The following TMEM131 variants were observed in gnomAD, a reference collection of about 807,000 sequenced individuals.
The protein encoded by TMEM131 is 2610524E03Rik.
TMEM131 carries 66 observed loss-of-function variants against 211.6 expected under a neutral mutation model. The ratio of observed to expected loss-of-function variants is 0.31; its 90% CI spans 0.26 to 0.38. The LOEUF is 0.38. Ranked by LOEUF, TMEM131 falls within the 10% of genes least tolerant of loss-of-function variation. The pLI, the probability that TMEM131 is intolerant of heterozygous loss-of-function variation, is 1.00. For missense variants in TMEM131, 2,036 were observed against 2,299.3 expected (o/e 0.89, Z 2.34); for synonymous variants, 844 against 841.3 (o/e 1.00, Z -0.06).
At chr2:97,821,946 C>T (rs1034346988) in intron 11 of TMEM131, among the ~76,000 whole-genome samples, 8 of 152,124 alleles carry the variant, frequency 5.3e-5, no homozygotes, top group Non-Finnish European at 8.8e-5. Flanking sequence ...CATTCAGCTC[C>T]GGGATCCCGA....
intron 1 of TMEM131, among the ~76,000 whole-genome samples, chr2:97,980,618 G>C (rs891849033): frequency 6.6e-6 from 1 of 152,116 alleles, no homozygotes; most frequent in African/African-American, 2.4e-5. Flanking sequence ...ACTTACACAT[G>C]AATGTTCAAA....
chr2:97,952,030 G>A (rs532981432), intron 1 of TMEM131, among the ~76,000 whole-genome samples: 6 of 152,112 alleles, frequency 3.9e-5, no homozygotes, highest in African/African-American at 1.2e-4. Flanking sequence ...GGTGGCGCAC[G>A]CCTGTAATCC....
intron 30 of TMEM131, 65 bp from the exon 31 acceptor site, chr2:97,793,049 C>A: frequency 1.7e-6 from 2 of 1,190,742 alleles, no homozygotes; most frequent in Non-Finnish European, 2.3e-6. Flanking sequence ...TAAAAAAAAA[C>A]TTCAACTTCA....
chr2:97,767,717 C>T (rs559025287), intron 33 of TMEM131, among the ~76,000 whole-genome samples: 25 of 152,268 alleles, frequency 1.6e-4, no homozygotes, highest in African/African-American at 5.5e-4. Context: ...GATGCATCGC[C>T]GGCATTTTCC....
chr2:97,877,951 T>C (rs533237140), intron 4 of TMEM131, among the ~76,000 whole-genome samples: 6 of 152,308 alleles, frequency 3.9e-5, no homozygotes, highest in South Asian at 2.1e-4. Context: ...TTTTGCAATC[T>C]ATCCATCTGA....
At chr2:97,846,092 A>G (rs1683415619) in intron 5 of TMEM131, among the ~76,000 whole-genome samples, 1 of 152,264 alleles carries the variant, frequency 6.6e-6, no homozygotes, top group African/African-American at 2.4e-5. Context: ...TCCCACAAAG[A>G]AAAGCCCGAG....
At chr2:97,900,258 A>G (rs1675796103) in intron 3 of TMEM131, among the ~76,000 whole-genome samples, 1 of 152,174 alleles carries the variant, frequency 6.6e-6, no homozygotes, top group African/African-American at 2.4e-5. Context: ...TGGCACCATC[A>G]TAAAGTCCAA....
intron 19 of TMEM131, 137 bp downstream of exon 19, chr2:97,809,551 A>G (rs1573393250): frequency 3.1e-6 from 2 of 647,978 alleles, no homozygotes. Context: ...TACATCTTCT[A>G]AAGAACCTGG....
At chr2:97,832,621 T>C (rs918765347) in intron 11 of TMEM131, among the ~76,000 whole-genome samples, 4 of 152,202 alleles carry the variant, frequency 2.6e-5, no homozygotes, top group African/African-American at 9.7e-5. Flanking sequence ...TATATTTCAT[T>C]TTGTCAGTTC....
intron 19 of TMEM131, among the ~76,000 whole-genome samples, chr2:97,808,473 C>G (rs1431046998): frequency 6.6e-6 from 1 of 152,192 alleles, no homozygotes; most frequent in Non-Finnish European, 1.5e-5. Flanking sequence ...TCTTTGTTCT[C>G]CAGGCTCAAA....
chr2:97,773,380 C>T (rs982530519), intron 32 of TMEM131, among the ~76,000 whole-genome samples: 1 of 152,156 alleles, frequency 6.6e-6, no homozygotes, highest in Non-Finnish European at 1.5e-5. Flanking sequence ...ACACGACAGA[C>T]GCCAGCATGG....
At chr2:97,791,341 T>C (rs1056350561) in intron 31 of TMEM131, among the ~76,000 whole-genome samples, 7 of 152,178 alleles carry the variant, frequency 4.6e-5, no homozygotes, top group African/African-American at 7.2e-5. Flanking sequence ...TACTACAACA[T>C]TGATGGGATG....
At chr2:97,901,889 C>T (rs536700109) in intron 3 of TMEM131, among the ~76,000 whole-genome samples, 1 of 152,184 alleles carries the variant, frequency 6.6e-6, no homozygotes, top group South Asian at 2.1e-4. Flanking sequence ...AACAGCAGGG[C>T]AGAGTGACTA....
At chr2:97,894,510 T>C (rs889145574) in intron 3 of TMEM131, among the ~76,000 whole-genome samples, 3 of 152,236 alleles carry the variant, frequency 2.0e-5, no homozygotes, top group Non-Finnish European at 4.4e-5. Context: ...TTCCTATCCA[T>C]AAGCATGGAA....
At chr2:97,955,867 A>G in intron 1 of TMEM131, among the ~76,000 whole-genome samples, 1 of 152,290 alleles carries the variant, frequency 6.6e-6, no homozygotes, top group East Asian at 1.9e-4. Context: ...AAATGAACAT[A>G]TATAATAGAG....
At chr2:97,921,212 T>C (rs1268054603) in intron 2 of TMEM131, among the ~76,000 whole-genome samples, 1 of 152,138 alleles carries the variant, frequency 6.6e-6, no homozygotes, top group East Asian at 1.9e-4. Context: ...CTCACACATA[T>C]ATGGACACTT....
Position 97,759,069 on chromosome 2 carries a change from C to T in TMEM131, c.5207-16G>A. On this transcript the variant is annotated splice_polypyrimidine_tract_variant and intron_variant, in intron 39 of 40. Coordinates refer to ENST00000186436, the MANE Select transcript of TMEM131 (RefSeq NM_015348.2). ...CTGAAAACTTCTGGAAATAAAGCAACAGTCATCAAGTCCATATTTGGTTTT... is the reference window on the plus strand; with the variant it reads ...CTGAAAACTTCTGGAAATAAAGCAATAGTCATCAAGTCCATATTTGGTTTT... 2 of 1,614,010 alleles carry T rather than the reference C, an allele frequency of 1.2e-6. No individual in the cohort carries two copies. The highest frequency in any genetic ancestry group is 1.7e-6 in the Non-Finnish European group (2 of 1,179,866).
intron 4 of TMEM131, among the ~76,000 whole-genome samples, chr2:97,860,992 G>T (rs762637463): frequency 6.6e-6 from 1 of 152,150 alleles, no homozygotes; most frequent in Non-Finnish European, 1.5e-5. Context: ...TTGGGAGAGG[G>T]ACAGTGCAGC....
intron 3 of TMEM131, among the ~76,000 whole-genome samples, chr2:97,901,216 C>A (rs114548144): frequency 3.3e-5 from 5 of 152,200 alleles, no homozygotes; most frequent in African/African-American, 1.2e-4. Flanking sequence ...AATAATGGCA[C>A]AAAAGTAAAT....
Sources: allele counts gnomAD v4.1 joint callset (sites outside exome capture counted in the v4.1 genomes callset), GRCh38; gene constraint gnomAD v4.1.1; transcripts MANE v1.5; gene names NCBI Gene and HGNC (gene_info 2026-07-23, HGNC 2026-07-21).